The following NRG1 variants were observed in gnomAD, a reference collection of about 807,000 sequenced individuals.
The protein encoded by NRG1 is neuregulin 1, also known as pro-neuregulin-1, membrane-bound isoform.
Under a neutral mutation model 63.8 loss-of-function variants are expected in NRG1, and 18 were observed. The observed-to-expected ratio is 0.28, with a 90% CI of 0.19 to 0.42. NRG1 has a LOEUF of 0.42. Among genes scored for constraint, NRG1 ranks in the 10% least tolerant of loss-of-function variants. The probability of loss-of-function intolerance (pLI) is 1.00; values close to 1 mark genes in which losing one functional copy is unlikely to be tolerated. For missense variants in NRG1, 762 were observed against 814.7 expected, an observed-to-expected ratio of 0.94 and a Z score of 0.79; for synonymous variants, 302 against 301.3, an observed-to-expected ratio of 1.00 and a Z score of -0.02.
chr8:32,246,898 A>G (rs1304839241), intron 1 of NRG1, among the ~76,000 whole-genome samples: 1 of 152,066 alleles, frequency 6.6e-6, no homozygotes, highest in Non-Finnish European at 1.5e-5. Context: ...TCTAGTGTAC[A>G]GTGTGGTAAG....
At chr8:32,116,839 T>G (rs576777833) in intron 1 of NRG1, among the ~76,000 whole-genome samples, 1 of 152,150 alleles carries the variant, frequency 6.6e-6, no homozygotes, top group East Asian at 1.9e-4. Context: ...TTGGTCATTT[T>G]ATCTCTTAAA....
chr8:32,547,221 G>A (rs1397009385), upstream of NRG1, among the ~76,000 whole-genome samples: 3 of 152,134 alleles, frequency 2.0e-5, no homozygotes, highest in Non-Finnish European at 4.4e-5. Context: ...TGCAGGGGAG[G>A]GGTCAATGCC....
intron 1 of NRG1, among the ~76,000 whole-genome samples, chr8:32,340,773 A>G (rs1047742974): frequency 6.6e-6 from 1 of 152,232 alleles, no homozygotes; most frequent in African/African-American, 2.4e-5. Flanking sequence ...TAAGCCCGAT[A>G]TCCTGTACTT....
At chr8:32,654,408 C>T (rs539913449) in intron 5 of NRG1, among the ~76,000 whole-genome samples, 28 of 152,216 alleles carry the variant, frequency 1.8e-4, no homozygotes, top group African/African-American at 5.8e-4. Flanking sequence ...GTGGGAGGAT[C>T]ACCTGAGGTC....
intron 1 of NRG1, among the ~76,000 whole-genome samples, chr8:32,440,183 T>A (rs1302548081): frequency 6.6e-6 from 1 of 152,096 alleles, no homozygotes; most frequent in African/African-American, 2.4e-5. Flanking sequence ...ACTGTCATGA[T>A]AATAGCAAGG....
At chr8:32,745,066 A>G (rs1405384112) in intron 7 of NRG1, among the ~76,000 whole-genome samples, 4 of 152,180 alleles carry the variant, frequency 2.6e-5, no homozygotes, top group Non-Finnish European at 5.9e-5. Flanking sequence ...AAGAGCTTCC[A>G]ATCAGAAATT....
Position 32,081,203 on chromosome 8 carries a change from A to G in NRG1, c.37+441772A>G, listed in dbSNP as rs141356592. On this transcript the variant is annotated intron_variant, in intron 1 of 10. Transcript: ENST00000519301. ...ACACTGAACTGACCATTACAAGTCT[A>G]GTTGGCACCCATATACATCTCCTTA... Among the ~76,000 whole-genome samples, 1,457 of 152,280 alleles carry G rather than the reference A, an allele frequency of 9.6e-3. 29 individuals are homozygous for G. The highest frequency in any genetic ancestry group is 0.082 in the South Asian group (397 of 4,824).
chr8:32,752,229 G>C (rs1828871356), intron 7 of NRG1, among the ~76,000 whole-genome samples: 1 of 152,086 alleles, frequency 6.6e-6, no homozygotes, highest in Non-Finnish European at 1.5e-5. Context: ...TTGCTTCTTA[G>C]ACATGTATCC....
chr8:31,699,449 G>T lies in NRG1; in HGVS notation c.37+60018G>T, dbSNP rs959076153. Among the ~76,000 whole-genome samples, 6 of 152,030 alleles carry T rather than the reference G, an allele frequency of 3.9e-5. 1 individual carries two copies. Among genetic ancestry groups the T allele is most frequent in the Admixed American group, 3.9e-4 (6 of 15,256 alleles). On this transcript the variant is annotated intron_variant, in intron 1 of 10. Coordinates refer to the NRG1 transcript ENST00000519301. ...AGTAAGAAAAACATATTGTTTAGTT[G>T]CCCAAGTTGTGTCTTTTTCTCCACC...
chr8:32,493,758 C>A (rs925079336), intron 1 of NRG1, among the ~76,000 whole-genome samples: 1 of 152,042 alleles, frequency 6.6e-6, no homozygotes, highest in Non-Finnish European at 1.5e-5. Flanking sequence ...TTAATGTTGC[C>A]TGAAGTTGAA....
At chr8:32,389,852 C>T (rs1811501241) in intron 1 of NRG1, among the ~76,000 whole-genome samples, 2 of 151,950 alleles carry the variant, frequency 1.3e-5, no homozygotes, top group Non-Finnish European at 2.9e-5. Flanking sequence ...CCTCTGCCTC[C>T]CAGGTTTAAA....
At chr8:32,745,359 G>A (rs1009714111) in intron 7 of NRG1, among the ~76,000 whole-genome samples, 16 of 152,152 alleles carry the variant, frequency 1.1e-4, no homozygotes, top group African/African-American at 3.6e-4. Context: ...ATTTTCAGTT[G>A]AAAAATAACA....
intron 5 of NRG1, among the ~76,000 whole-genome samples, chr8:32,698,951 T>G (rs1483102720): frequency 6.6e-6 from 1 of 152,230 alleles, no homozygotes; most frequent in African/African-American, 2.4e-5. Flanking sequence ...TATTCCTTAT[T>G]GAAAATATAT....
chr8:31,920,842 CT>C (rs1402811596), intron 1 of NRG1, among the ~76,000 whole-genome samples: 2 of 151,306 alleles, frequency 1.3e-5, no homozygotes, highest in African/African-American at 2.4e-5. Flanking sequence ...TAAAAATAAA[CT>C]TTTTTAAGAT....
chr8:31,947,632 T>C (rs963270930), intron 1 of NRG1, among the ~76,000 whole-genome samples: 2 of 152,078 alleles, frequency 1.3e-5, no homozygotes, highest in Non-Finnish European at 2.9e-5. Flanking sequence ...TTTAGTCACA[T>C]GCCATGCAAA....
At chr8:32,601,499 A>G (rs190244729) in intron 2 of NRG1, among the ~76,000 whole-genome samples, 3 of 152,252 alleles carry the variant, frequency 2.0e-5, no homozygotes, top group African/African-American at 7.2e-5. Flanking sequence ...CATTCAAAAC[A>G]TGTTTCCTTT....
intron 1 of NRG1, among the ~76,000 whole-genome samples, chr8:31,678,916 G>A (rs1374447823): frequency 6.6e-6 from 1 of 151,422 alleles, no homozygotes; most frequent in Non-Finnish European, 1.5e-5. Flanking sequence ...CTTATTCACT[G>A]AATATATTCA....
At chr8:31,970,007 C>T (rs537186883) in intron 1 of NRG1, among the ~76,000 whole-genome samples, 11 of 152,104 alleles carry the variant, frequency 7.2e-5, no homozygotes, top group South Asian at 2.1e-4. Context: ...ATGAAGCATA[C>T]GTAAAATAAT....
intron 1 of NRG1, among the ~76,000 whole-genome samples, chr8:32,052,839 A>ACAGTC (rs1822207824): frequency 6.6e-6 from 1 of 152,162 alleles, no homozygotes; most frequent in African/African-American, 2.4e-5. Flanking sequence ...CTCATTATAG[A>ACAGTC]CAGTCTGAAA....
Sources: allele counts gnomAD v4.1 joint callset (sites outside exome capture counted in the v4.1 genomes callset), GRCh38; gene constraint gnomAD v4.1.1; transcripts MANE v1.5; gene names NCBI Gene and HGNC (gene_info 2026-07-23, HGNC 2026-07-21).